Variants in MS4A3 observed in about 807,000 individuals in gnomAD.
MS4A3 encodes the protein membrane-spanning 4-domains subfamily A member 3.
Under a neutral mutation model 24.7 loss-of-function variants are expected in MS4A3, and 18 were observed. The observed-to-expected ratio is 0.73, with a 90% confidence interval of 0.50 to 1.08. The LOEUF (loss-of-function observed/expected upper bound fraction) is 1.08, where lower values mean the gene tolerates loss of function less well. Ranked by LOEUF, MS4A3 falls within the 50% of genes least tolerant of loss-of-function variation. The pLI, the probability that MS4A3 is intolerant of heterozygous loss-of-function variation, is 0.00. For synonymous variants in MS4A3, 84 were observed against 95.3 expected (o/e 0.88, Z 0.69); for missense variants, 282 against 251.7 (o/e 1.12, Z -0.82).
chr11:60,066,637 C>T (rs1180641738), intron 4 of MS4A3, among the ~76,000 whole-genome samples: 1 of 152,156 alleles, frequency 6.6e-6, no homozygotes, highest in South Asian at 2.1e-4. Flanking sequence ...ATATCATGAA[C>T]CCCCACTCCT....
intron 1 of MS4A3, among the ~76,000 whole-genome samples, chr11:60,057,104 T>A (rs778868072): frequency 6.6e-6 from 1 of 152,156 alleles, no homozygotes; most frequent in Non-Finnish European, 1.5e-5. Context: ...AAAGTGCATT[T>A]TAGCATAGCT....
intron 4 of MS4A3, among the ~76,000 whole-genome samples, chr11:60,065,207 T>C (rs2439689): frequency 7.1e-6 from 1 of 141,014 alleles, no homozygotes; most frequent in Non-Finnish European, 1.5e-5. Context: ...CCCTGGCTAA[T>C]TTTTGTCTTT....
intron 2 of MS4A3, 138 bp downstream of exon 2, chr11:60,061,454 G>A (rs1855273741): frequency 2.0e-6 from 2 of 999,538 alleles, no homozygotes; most frequent in African/African-American, 1.6e-5. Context: ...TCCCGAGACA[G>A]CAAGAACAAC....
chr11:60,066,419 C>T (rs780943382), intron 4 of MS4A3, among the ~76,000 whole-genome samples: 2 of 152,210 alleles, frequency 1.3e-5, no homozygotes, highest in Non-Finnish European at 2.9e-5. Context: ...CAGAGCCCCA[C>T]ATGATTTGGC....
chr11:60,058,705 T>TGGGTGAG (rs1431974876), intron 1 of MS4A3, among the ~76,000 whole-genome samples: 1 of 151,372 alleles, frequency 6.6e-6, no homozygotes, highest in Non-Finnish European at 1.5e-5. Flanking sequence ...GAGATAGGGA[T>TGGGTGAG]GGGTGAGGGG....
chr11:60,063,641 C>T (rs948501015), intron 3 of MS4A3, among the ~76,000 whole-genome samples: 15 of 152,056 alleles, frequency 9.9e-5, no homozygotes, highest in Non-Finnish European at 1.5e-4. Flanking sequence ...TTCCTTTTGC[C>T]GTGCAAAAGC....
At chr11:60,060,570 AG>A (rs1855255755) in intron 1 of MS4A3, among the ~76,000 whole-genome samples, 1 of 152,192 alleles carries the variant, frequency 6.6e-6, no homozygotes, top group South Asian at 2.1e-4. Context: ...GAATGTTTTT[AG>A]TAAAATCTGA....
chr11:60,069,396 C>T, intron 5 of MS4A3, 178 bp from the exon 6 acceptor site: 1 of 470,910 alleles, frequency 2.1e-6, no homozygotes, highest in East Asian at 3.4e-5. Context: ...TGTTTTCATG[C>T]TTTTAGATTG....
chr11:60,063,406 G>A (rs187103098), intron 3 of MS4A3, among the ~76,000 whole-genome samples: 133 of 152,174 alleles, frequency 8.7e-4, no homozygotes, highest in Middle Eastern at 3.4e-3. Context: ...CTTCCCTGAT[G>A]GTTCATTTTT....
At chr11:60,062,420 C>A (rs559323411) in intron 2 of MS4A3, 48 bp from the exon 3 acceptor site, 1 of 1,608,620 alleles carries the variant, frequency 6.2e-7, no homozygotes, top group South Asian at 1.1e-5. Flanking sequence ...TTTTCAGTGT[C>A]CACTTTAGTA....
intron 6 of MS4A3, among the ~76,000 whole-genome samples, 192 bp downstream of exon 6, chr11:60,069,867 A>G (rs1406429348): frequency 1.3e-5 from 2 of 152,188 alleles, no homozygotes; most frequent in Non-Finnish European, 2.9e-5. Context: ...ATGCAAGAGG[A>G]AATACTGTAC....
chr11:60,062,171 C>T (rs754430610), intron 2 of MS4A3, among the ~76,000 whole-genome samples: 19 of 152,166 alleles, frequency 1.2e-4, no homozygotes, highest in Non-Finnish European at 2.6e-4. Flanking sequence ...GAGACTTTGA[C>T]TCCATCTACC....
At chr11:60,068,494 C>T (rs187358924) in intron 5 of MS4A3, among the ~76,000 whole-genome samples, 2,660 of 151,024 alleles carry the variant, frequency 0.018, 88 homozygotes, top group African/African-American at 0.061. Flanking sequence ...CCTCGTGATC[C>T]GCCCGCCTCT....
At chr11:60,064,372 A>T in intron 4 of MS4A3, 54 bp downstream of exon 4, 1 of 1,352,368 alleles carries the variant, frequency 7.4e-7, no homozygotes, top group Non-Finnish European at 1.0e-6. Context: ...TATATTATTC[A>T]TAAACAGTAG....
At chr11:60,063,062 T>C (rs1158627334) in intron 3 of MS4A3, among the ~76,000 whole-genome samples, 1 of 152,218 alleles carries the variant, frequency 6.6e-6, no homozygotes, top group African/African-American at 2.4e-5. Flanking sequence ...CCTCCCAAAA[T>C]GCTGGAATTG....
At chr11:60,059,861 T>C (rs1009206402) in intron 1 of MS4A3, among the ~76,000 whole-genome samples, 4 of 152,242 alleles carry the variant, frequency 2.6e-5, no homozygotes, top group Non-Finnish European at 4.4e-5. Flanking sequence ...ATGTGTTTTA[T>C]GGTAGAATGA....
At position 60,061,200 on chromosome 11, in the gene MS4A3, G is replaced by C. The variant is rs1322041232; in HGVS notation, c.40G>C (p.Ala14Pro). Residue 14 changes from alanine to proline, a missense_variant, in exon 2 of 7, where the codon GCC becomes CCC. Ala to Pro is a conservative substitution (Grantham distance 27, BLOSUM62 -1). Coordinates refer to ENST00000278865, the MANE Select transcript of MS4A3 (RefSeq NM_006138.5). Reference protein sequence around the residue: ...HEVDNAELGSASAHGTPGSEA... With the variant: ...HEVDNAELGSPSAHGTPGSEA... ...AGTTGATAATGCAGAGCTGGGGTCA[G>C]CCTCTGCCCATGGTACCCCAGGCAG... 1.2e-6 allele frequency: 2 copies of C among 1,612,370 alleles called. No individual in the cohort carries two copies. The highest frequency in any genetic ancestry group is 4.5e-5 in the East Asian group (2 of 44,792).
chr11:60,058,589 G>A (rs1855213567), intron 1 of MS4A3, among the ~76,000 whole-genome samples: 1 of 149,896 alleles, frequency 6.7e-6, no homozygotes, highest in Non-Finnish European at 1.5e-5. Flanking sequence ...AGCTTGAGGG[G>A]ACTTGTCTTT....
chr11:60,068,594 C>G (rs1234271955), intron 5 of MS4A3, among the ~76,000 whole-genome samples: 1 of 151,964 alleles, frequency 6.6e-6, no homozygotes, highest in African/African-American at 2.4e-5. Flanking sequence ...GGTACTCTAC[C>G]TCTTCTGAAC....
Sources: allele counts gnomAD v4.1 joint callset (sites outside exome capture counted in the v4.1 genomes callset), GRCh38; gene constraint gnomAD v4.1.1; transcripts MANE v1.5; gene names NCBI Gene and HGNC (gene_info 2026-07-23, HGNC 2026-07-21).